UBXN2B: variants seen among roughly 807,000 people sequenced by gnomAD.
The protein encoded by UBXN2B is UBX domain protein 2B.
UBXN2B carries 19 observed loss-of-function variants against 37.5 expected under a neutral mutation model. The ratio of observed to expected loss-of-function variants is 0.51; its 90% CI spans 0.35 to 0.74. The LOEUF is 0.74. UBXN2B is among the 30% of genes least tolerant of loss of function. The pLI is 0.01. For synonymous variants in UBXN2B, 145 were observed against 143.8 expected (o/e 1.01, Z -0.06); for missense variants, 370 against 393.2 (o/e 0.94, Z 0.50).
At chr8:58,426,105 A>G (rs1202389857) in intron 2 of UBXN2B, 1 of 1,349,662 alleles carries the variant, frequency 7.4e-7, no homozygotes, top group South Asian at 1.2e-5. Flanking sequence ...TTCTCTTTTA[A>G]TTGCCCGTGA....
chr8:58,448,899 G>A lies in UBXN2B; in HGVS notation c.*1348G>A, dbSNP rs1321659436. The A allele has an allele frequency of 6.6e-6, 1 of 152,244 alleles. No individual in the cohort carries two copies. The highest frequency in any genetic ancestry group is 2.4e-5 in the African/African-American group (1 of 41,470). 9.4% of individuals were successfully genotyped at this position (152,244 alleles called of 1,614,324 possible). On this transcript the variant is annotated 3_prime_UTR_variant, in exon 8 of 8. Transcript: ENST00000399598. ...CACAATTCTGTAGGTTAGGAGTCCA[G>A]GTTAAGAGTTTCGCGGTGCCAAGAT...
chr8:58,429,250 C>T (rs367871454), intron 2 of UBXN2B, among the ~76,000 whole-genome samples: 10 of 151,872 alleles, frequency 6.6e-5, no homozygotes, highest in South Asian at 4.2e-4. Flanking sequence ...AGGAGTGTTA[C>T]GGCAGCAGAC....
chr8:58,425,741 A>T, intron 2 of UBXN2B: 2 of 1,159,356 alleles, frequency 1.7e-6, no homozygotes, highest in Non-Finnish European at 2.6e-6. Context: ...GAGTTGTAGT[A>T]CTGTACCCCA....
chr8:58,425,996 T>C lies in UBXN2B; in HGVS notation c.189-4523T>C, dbSNP rs1250438061. 1.5e-5 allele frequency: 21 copies of C among 1,445,600 alleles called. No homozygotes were observed. In the Admixed American group the frequency reaches 3.5e-4, roughly 24 times the overall value. The allele number at this position is 1,445,600 out of a possible 1,614,324, so 89.5% of individuals were successfully genotyped here. A position where few individuals can be genotyped will look rare whatever the true frequency, so the allele number is the denominator to read the frequency against. ...ATGTTTTCCTTTTTCAGTTAATAAT[T>C]TCTCTGCTTCTTTCCCAGAGAGGTG... On this transcript the variant is annotated intron_variant, in intron 2 of 7. Transcript: ENST00000399598.
chr8:58,423,560 C>T (rs1807989703), intron 2 of UBXN2B, among the ~76,000 whole-genome samples: 1 of 151,922 alleles, frequency 6.6e-6, no homozygotes, highest in African/African-American at 2.4e-5. Context: ...CTCAGCCTCC[C>T]AAGTAGCTGG....
rs1349570509 is a variant in UBXN2B, at chr8:58,450,204, C to G, written c.*2653C>G. On this transcript the variant is annotated 3_prime_UTR_variant, in exon 8 of 8. Transcript: ENST00000399598. ...GCCATTTGAATAGGCCGCGAATTTC[C>G]CAAATCATCAAGTCCTGGTTTCTTT... is the stretch of plus-strand genomic sequence containing the variant. The G allele has an allele frequency of 6.6e-6, 1 of 152,126 alleles. No homozygotes were observed. The highest frequency in any genetic ancestry group is 2.4e-5 in the African/African-American group (1 of 41,422). 9.4% of individuals were successfully genotyped at this position (152,126 alleles called of 1,614,324 possible).
intron 2 of UBXN2B, chr8:58,425,389 A>G (rs780386073): frequency 9.6e-5 from 109 of 1,132,364 alleles, no homozygotes; most frequent in African/African-American, 2.0e-4. Context: ...TTGTGTGGCA[A>G]TGTAACTCTT....
chr8:58,433,269 A>G (rs769416798), intron 4 of UBXN2B, 26 bp downstream of exon 4: 2 of 1,551,862 alleles, frequency 1.3e-6, no homozygotes, highest in Non-Finnish European at 1.8e-6. Context: ...AAAATGAAAA[A>G]GTATAAATAT....
intron 2 of UBXN2B, among the ~76,000 whole-genome samples, chr8:58,420,748 A>G (rs13281822): frequency 0.27 from 40,869 of 152,104 alleles, 5,985 homozygotes; most frequent in Admixed American, 0.45. Context: ...ATGACCCACT[A>G]AAACCAACTG....
At chr8:58,426,241 C>G (rs1808082678) in intron 2 of UBXN2B, 2 of 530,086 alleles carry the variant, frequency 3.8e-6, no homozygotes, top group Non-Finnish European at 6.6e-6. Flanking sequence ...GAGTCTCGCT[C>G]TGTCACCCAG....
At chr8:58,423,540 G>T (rs544726178) in intron 2 of UBXN2B, among the ~76,000 whole-genome samples, 1 of 151,046 alleles carries the variant, frequency 6.6e-6, no homozygotes, top group South Asian at 2.1e-4. Flanking sequence ...GGTTCACACC[G>T]TTCTCCTGCC....
In UBXN2B at chr8:58,430,696, C is replaced by T. The variant is rs756402220; in HGVS notation, c.339+27C>T. On this transcript the variant is annotated intron_variant, in intron 3 of 7. Coordinates refer to ENST00000399598, the MANE Select transcript of UBXN2B (RefSeq NM_001077619.2). ...TCAGTGCTCAATTTTAAACTAAATA[C>T]ATTGTTTCTATATTTTACCTCCTCT... 5 of 1,392,594 alleles carry T rather than the reference C, an allele frequency of 3.6e-6. No individual in the cohort carries two copies. In the Admixed American group the frequency reaches 1.0e-4, roughly 29 times the overall value. 86.3% of individuals were successfully genotyped at this position (1,392,594 alleles called of 1,614,324 possible). A position where few individuals can be genotyped will look rare whatever the true frequency, so the allele number is the denominator to read the frequency against.
At chr8:58,432,901 G>A (rs1808318991) in intron 3 of UBXN2B, among the ~76,000 whole-genome samples, 2 of 151,376 alleles carry the variant, frequency 1.3e-5, no homozygotes, top group East Asian at 2.1e-4. Flanking sequence ...TTTTAAAAAA[G>A]CCTCTATGAT....
chr8:58,432,645 G>A (rs1808314129), intron 3 of UBXN2B, among the ~76,000 whole-genome samples: 1 of 152,120 alleles, frequency 6.6e-6, no homozygotes, highest in Non-Finnish European at 1.5e-5. Context: ...GCCTCCCAAA[G>A]TGCTGGGATT....
chr8:58,430,936 G>T (rs1425355187), intron 3 of UBXN2B, among the ~76,000 whole-genome samples: 1 of 152,122 alleles, frequency 6.6e-6, no homozygotes. Flanking sequence ...GAGGTTTCAT[G>T]TACCTTTCAC....
chr8:58,412,936 C>G lies in UBXN2B; in HGVS notation c.84+1467C>G, dbSNP rs577391724. 4.7e-4 allele frequency among the ~76,000 whole-genome samples: 72 copies of G among 152,292 alleles called. No individual in the cohort carries two copies. The South Asian group carries it at 9.3e-3, about 20-fold the overall frequency. ...GATGCTATAACTTTCCCTGGCTAGT[C>G]AATTCTAATATCATTAAAGTTAATA... On this transcript the variant is annotated intron_variant, in intron 1 of 7. Transcript: ENST00000399598.
intron 6 of UBXN2B, among the ~76,000 whole-genome samples, chr8:58,444,529 TG>T (rs992179704): frequency 1.2e-4 from 18 of 152,140 alleles, no homozygotes; most frequent in African/African-American, 4.3e-4. Flanking sequence ...GTGGTAATGG[TG>T]GTAGTGACGA....
chr8:58,411,370 C>G lies in UBXN2B; in HGVS notation c.-16C>G. 4 of 1,269,852 alleles carry G rather than the reference C, an allele frequency of 3.1e-6. No homozygotes were observed. The highest frequency in any genetic ancestry group is 4.0e-6 in the Non-Finnish European group (4 of 1,004,846). The allele number at this position is 1,269,852 out of a possible 1,614,324, so 78.7% of individuals were successfully genotyped here. On this transcript the variant is annotated 5_prime_UTR_variant, in exon 1 of 8. Coordinates refer to ENST00000399598, the MANE Select transcript of UBXN2B (RefSeq NM_001077619.2). ...CGGCAGGTGCGTCCGCAGCGGGCGC[C>G]GCTAGCCAGCGGAAGATGGCGGAGG...
chr8:58,431,437 T>G, intron 3 of UBXN2B, among the ~76,000 whole-genome samples: 1 of 152,226 alleles, frequency 6.6e-6, no homozygotes, highest in East Asian at 1.9e-4. Context: ...GAGTAGCATT[T>G]TATATAGATA....
Sources: allele counts gnomAD v4.1 joint callset (sites outside exome capture counted in the v4.1 genomes callset), GRCh38; gene constraint gnomAD v4.1.1; transcripts MANE v1.5; gene names NCBI Gene and HGNC (gene_info 2026-07-23, HGNC 2026-07-21).